Variants in POU6F2 observed in about 807,000 individuals in gnomAD.
POU6F2 encodes the protein POU class 6 homeobox 2.
In POU6F2, 31 loss-of-function variants were observed where a neutral mutation model predicts 71.3. The observed-to-expected ratio is 0.43, with a 90% CI of 0.33 to 0.59. The LOEUF is 0.59. POU6F2 is among the 20% of genes least tolerant of loss of function. POU6F2 has a pLI of 0.04. For missense variants in POU6F2, 783 were observed against 856.8 expected (o/e 0.91, Z 1.07); for synonymous variants, 347 against 355.7 (o/e 0.98, Z 0.27).
chr7:39,338,531 A>G (rs146556900), intron 4 of POU6F2, among the ~76,000 whole-genome samples: 167 of 152,318 alleles, frequency 1.1e-3, no homozygotes, highest in African/African-American at 3.6e-3. Context: ...TGGAAGCCCT[A>G]CATGGTATGT....
chr7:39,140,571 T>C (rs565083111), intron 2 of POU6F2, among the ~76,000 whole-genome samples: 1 of 152,340 alleles, frequency 6.6e-6, no homozygotes, highest in South Asian at 2.1e-4. Context: ...AGTCTCTTTT[T>C]CCATGACCTA....
At chr7:38,980,610 A>ATATC (rs1788293319) in intron 1 of POU6F2, among the ~76,000 whole-genome samples, 1 of 152,204 alleles carries the variant, frequency 6.6e-6, no homozygotes. Context: ...ATATCGTCTT[A>ATATC]TATCTACTCA....
chr7:38,981,529 CA>C (rs1788316384), intron 1 of POU6F2, among the ~76,000 whole-genome samples: 2 of 152,076 alleles, frequency 1.3e-5, no homozygotes, highest in South Asian at 4.1e-4. Context: ...TTAATAAAAA[CA>C]ACAGATGAAC....
intron 1 of POU6F2, among the ~76,000 whole-genome samples, chr7:39,002,567 G>A (rs1788945277): frequency 6.6e-6 from 1 of 152,138 alleles, no homozygotes; most frequent in Non-Finnish European, 1.5e-5. Flanking sequence ...GGCTGGTCTC[G>A]AATCTGTGGC....
chr7:39,362,393 C>G (rs752758597), intron 5 of POU6F2, among the ~76,000 whole-genome samples: 11 of 152,124 alleles, frequency 7.2e-5, no homozygotes, highest in Non-Finnish European at 1.2e-4. Flanking sequence ...AGGACCCTCC[C>G]TTCTGGTCAA....
chr7:39,277,713 G>T (rs923160268), intron 4 of POU6F2, among the ~76,000 whole-genome samples: 6 of 151,994 alleles, frequency 3.9e-5, no homozygotes, highest in African/African-American at 1.2e-4. Flanking sequence ...CCACCGAAGT[G>T]GTTAGGGGGA....
intron 1 of POU6F2, among the ~76,000 whole-genome samples, chr7:39,060,650 T>C (rs1790637510): frequency 6.6e-6 from 1 of 152,188 alleles, no homozygotes; most frequent in African/African-American, 2.4e-5. Flanking sequence ...CCAACAATGC[T>C]GTGTAGCTAG....
intron 1 of POU6F2, among the ~76,000 whole-genome samples, chr7:39,015,700 T>TATATAGATATATAACATAGATATA (rs765518595): frequency 0.019 from 1,626 of 84,460 alleles, 78 homozygotes; most frequent in Middle Eastern, 0.03. Flanking sequence ...CTATATATTA[T>TATATAGATATATAACATAGATATA]ATATATCTAT....
chr7:39,375,694 G>A (rs1786697585), intron 5 of POU6F2, among the ~76,000 whole-genome samples: 1 of 151,934 alleles, frequency 6.6e-6, no homozygotes, highest in African/African-American at 2.4e-5. Flanking sequence ...TGGGAGGGGA[G>A]GCAGAAGATA....
intron 4 of POU6F2, among the ~76,000 whole-genome samples, chr7:39,315,342 A>G (rs1242416438): frequency 1.3e-5 from 2 of 152,214 alleles, no homozygotes; most frequent in African/African-American, 4.8e-5. Context: ...GGTCATTAAC[A>G]CAAGTCCCTT....
Position 39,276,140 on chromosome 7 carries a change from G to A in POU6F2, c.599-63502G>A, listed in dbSNP as rs935398911. Among the ~76,000 whole-genome samples the A allele has an allele frequency of 4.5e-4, 68 of 151,884 alleles. No individual in the cohort carries two copies. The East Asian group carries it at 5.8e-3, about 13-fold the overall frequency. ...AACCAGAAAATGGGAGAAAATTTTC[G>A]CAACCTACTCATCTGACAAAGGGCT... is the stretch of plus-strand genomic sequence containing the variant. On this transcript the variant is annotated intron_variant, in intron 4 of 9. Coordinates refer to ENST00000518318, the MANE Select transcript of POU6F2 (RefSeq NM_001370959.1).
At chr7:39,344,269 A>G (rs1785984098) in intron 5 of POU6F2, among the ~76,000 whole-genome samples, 1 of 152,130 alleles carries the variant, frequency 6.6e-6, no homozygotes, top group Admixed American at 6.5e-5. Context: ...ATGAGGAATG[A>G]GGGGCACGGT....
chr7:39,126,932 A>C (rs1263275766), intron 2 of POU6F2, among the ~76,000 whole-genome samples: 1 of 152,236 alleles, frequency 6.6e-6, no homozygotes, highest in African/African-American at 2.4e-5. Context: ...TTTGACCATC[A>C]CAGCCCAGTA....
intron 2 of POU6F2, among the ~76,000 whole-genome samples, chr7:39,130,862 G>A (rs1372692736): frequency 1.3e-5 from 2 of 152,192 alleles, no homozygotes; most frequent in African/African-American, 2.4e-5. Context: ...TTGGGATTTG[G>A]CCGCCTTGGC....
intron 1 of POU6F2, among the ~76,000 whole-genome samples, chr7:39,065,313 C>A (rs779408959): frequency 6.6e-6 from 1 of 151,656 alleles, no homozygotes; most frequent in Non-Finnish European, 1.5e-5. Context: ...AATAACATCA[C>A]AGGATGGGCT....
intron 8 of POU6F2, among the ~76,000 whole-genome samples, chr7:39,457,565 A>G (rs574341572): frequency 7.2e-5 from 11 of 152,336 alleles, no homozygotes; most frequent in Admixed American, 6.5e-4. Flanking sequence ...GTAAAGGATC[A>G]GTAAAGACAA....
chr7:39,120,997 C>A (rs1291945585), intron 2 of POU6F2: 2 of 150,028 alleles, frequency 1.3e-5, no homozygotes, highest in Admixed American at 6.6e-5. Context: ...AAAATGCTTT[C>A]ACTGTTACCC....
intron 2 of POU6F2, among the ~76,000 whole-genome samples, chr7:39,164,105 AC>A (rs1314752277): frequency 6.6e-6 from 1 of 152,112 alleles, no homozygotes; most frequent in African/African-American, 2.4e-5. Context: ...AGCTCTTACC[AC>A]AAAAAAGTTA....
intron 5 of POU6F2, among the ~76,000 whole-genome samples, chr7:39,349,803 T>C (rs1476443622): frequency 6.6e-6 from 1 of 152,196 alleles, no homozygotes; most frequent in Non-Finnish European, 1.5e-5. Context: ...AGAACTAAAT[T>C]GGGCATTCTG....
Sources: allele counts gnomAD v4.1 joint callset (sites outside exome capture counted in the v4.1 genomes callset), GRCh38; gene constraint gnomAD v4.1.1; transcripts MANE v1.5; gene names NCBI Gene and HGNC (gene_info 2026-07-23, HGNC 2026-07-21).